Variants in BIRC3 observed in about 807,000 individuals in gnomAD.
BIRC3 encodes baculoviral IAP repeat-containing protein 3.
BIRC3 carries 26 observed loss-of-function variants against 59.0 expected under a neutral mutation model. The ratio of observed to expected loss-of-function variants is 0.44; its 90% CI spans 0.32 to 0.61. The LOEUF (loss-of-function observed/expected upper bound fraction) is 0.61, where lower values mean the gene tolerates loss of function less well. BIRC3 is among the 20% of genes least tolerant of loss of function. BIRC3 has a pLI of 0.04. For synonymous variants in BIRC3, 243 were observed against 249.2 expected, an observed-to-expected ratio of 0.98 and a Z score of 0.24; for missense variants, 641 against 711.5, an observed-to-expected ratio of 0.90 and a Z score of 1.13.
chr11:102,334,715 A>G (rs1951179197), intron 6 of BIRC3, among the ~76,000 whole-genome samples: 1 of 152,236 alleles, frequency 6.6e-6, no homozygotes, highest in Admixed American at 6.5e-5. Flanking sequence ...CCAAAGAGAT[A>G]ATAAAACTGC....
intron 1 of BIRC3, among the ~76,000 whole-genome samples, chr11:102,319,402 T>C (rs1951008621): frequency 6.6e-6 from 1 of 152,008 alleles, no homozygotes; most frequent in Non-Finnish European, 1.5e-5. Context: ...TTAAGCATGG[T>C]TATGTGAAAG....
In BIRC3 at chr11:102,336,057, A is replaced by G; in HGVS notation, c.1416A>G (p.Gly472=). 1.2e-6 allele frequency: 2 copies of G among 1,613,866 alleles called. No homozygotes were observed. Among genetic ancestry groups the G allele is most frequent in the Non-Finnish European group, 1.7e-6 (2 of 1,179,906 alleles). ...TCCTGGATAGTCTACTAACTGCCGG[A>G]ATTATTAATGAACAAGAACATGATG... The part of the protein sequence containing the change: ...IPILDSLLTA[G]IINEQEHDVI... Residue 472 remains glycine (G), a synonymous_variant, in exon 7 of 9, where the codon GGA becomes GGG. Coordinates refer to ENST00000263464, the MANE Select transcript of BIRC3 (RefSeq NM_001165.5).
intron 3 of BIRC3, among the ~76,000 whole-genome samples, chr11:102,327,541 G>A (rs1318154197): frequency 6.6e-6 from 1 of 152,058 alleles, no homozygotes; most frequent in Non-Finnish European, 1.5e-5. Context: ...TCGGGAGGCT[G>A]AGGCACCAGA....
Position 102,337,491 on chromosome 11 carries a change from G to C in BIRC3, c.*389G>C, listed in dbSNP as rs1951209118. The C allele has an allele frequency of 2.5e-6, 1 of 394,844 alleles. No homozygotes were observed. The highest frequency in any genetic ancestry group is 3.6e-5 in the East Asian group (1 of 27,956). The allele number at this position is 394,844 out of a possible 1,614,324, so 24.5% of individuals were successfully genotyped here. On this transcript the variant is annotated 3_prime_UTR_variant, in exon 9 of 9. Transcript: ENST00000263464. Reference sequence around the variant, plus strand: ...TGGTGGTATGTGCCTGTAGTCCCAGGCTGAGGCAAGAGAATTACTTGAGCC... The same window carrying C: ...TGGTGGTATGTGCCTGTAGTCCCAGCCTGAGGCAAGAGAATTACTTGAGCC...
At chr11:102,329,401 TA>T (rs1476210115) in intron 5 of BIRC3, among the ~76,000 whole-genome samples, 1 of 152,202 alleles carries the variant, frequency 6.6e-6, no homozygotes, top group African/African-American at 2.4e-5. Context: ...ACCTTACACC[TA>T]AAATGCAACA....
rs767508008 is a variant in BIRC3, at chr11:102,325,104, C to G, written c.595C>G (p.Pro199Ala). The change falls in exon 2 of 9, where the codon CCT becomes GCT. Residue 199 changes from proline (P) to alanine (A), a missense_variant. Pro to Ala is a conservative substitution (Grantham distance 27). Coordinates refer to ENST00000263464, the MANE Select transcript of BIRC3 (RefSeq NM_001165.5). ...LAKAGFYYIG[P>A]GDRVACFACG... ...AAAAGCAGGCTTTTACTACATAGGACCTGGAGACAGAGTGGCTTGCTTTGC... is the reference window on the plus strand; with the variant it reads ...AAAAGCAGGCTTTTACTACATAGGAGCTGGAGACAGAGTGGCTTGCTTTGC... 1.2e-6 allele frequency: 2 copies of G among 1,614,166 alleles called. No homozygotes were observed. The highest frequency in any genetic ancestry group is 2.2e-5 in the South Asian group (2 of 91,086).
chr11:102,335,922 A>G, intron 6 of BIRC3, 44 bp from the exon 7 acceptor site: 1 of 1,558,878 alleles, frequency 6.4e-7, no homozygotes, highest in Non-Finnish European at 8.7e-7. Context: ...GAAGTTTGTG[A>G]GCAGAGTTTG....
rs781386350 is a variant in BIRC3, at chr11:102,324,906, T to C, written c.397T>C (p.Tyr133His). The C allele has an allele frequency of 1.2e-6, 2 of 1,614,218 alleles. No individual in the cohort carries two copies. The highest frequency in any genetic ancestry group is 1.7e-5 in the Admixed American group (1 of 60,026). The change falls in exon 2 of 9, where the codon TAT (tyrosine) becomes CAT (histidine). Residue 133 changes from tyrosine to histidine, a missense_variant. By Grantham distance (83) the Tyr-to-His change is moderately conservative. Coordinates refer to ENST00000263464, the MANE Select transcript of BIRC3 (RefSeq NM_001165.5). ...SLLPGTENSGYFRGSYSNSPS... is the reference protein window; with the variant it reads ...SLLPGTENSGHFRGSYSNSPS... ...ACTTCCGGGTACAGAAAACAGTGGA[T>C]ATTTCCGTGGCTCTTATTCAAACTC... is the stretch of plus-strand genomic sequence containing the variant.
At position 102,335,853 on chromosome 11, in the gene BIRC3, G is replaced by A. The variant is rs138670418; in HGVS notation, c.1325-113G>A. The A allele has an allele frequency of 4.7e-4, 514 of 1,088,896 alleles. 2 individuals are homozygous for A. The East Asian group carries it at 0.011, about 23-fold the overall frequency. 67.5% of individuals were successfully genotyped at this position (1,088,896 alleles called of 1,614,324 possible). Reference sequence around the variant, plus strand: ...CCTAAACCTAGCAATCAACATCAATGCCTTACTGATTACGAATTAAAGATA... The same window carrying A: ...CCTAAACCTAGCAATCAACATCAATACCTTACTGATTACGAATTAAAGATA... On this transcript the variant is annotated intron_variant, in intron 6 of 8. Transcript: ENST00000263464.
chr11:102,337,578 A>AAAAAC lies in BIRC3; in HGVS notation c.*483_*487dup. 2.6e-6 allele frequency: 1 copy of AAAAAC among 378,238 alleles called. No homozygotes were observed. The highest frequency in any genetic ancestry group is 4.7e-6 in the Non-Finnish European group (1 of 213,082). 23.4% of individuals were successfully genotyped at this position (378,238 alleles called of 1,614,324 possible). On this transcript the variant is annotated 3_prime_UTR_variant, in exon 9 of 9. Coordinates refer to ENST00000263464, the MANE Select transcript of BIRC3 (RefSeq NM_001165.5). ...CCCTGCCTTTAAAAACAAACAGAACAAAAACAAAACACCAGGGACACATTT... is the reference window on the plus strand; with the variant it reads ...CCCTGCCTTTAAAAACAAACAGAACAAAAACAAAACAAAACACCAGGGACACATTT...
rs754938558 is a variant in BIRC3 at position 102,328,031 on chromosome 11, T to G, written c.954-21T>G. 9.6e-6 allele frequency: 15 copies of G among 1,570,222 alleles called. No homozygotes were observed. In the African/African-American group the frequency reaches 1.9e-4, roughly 20 times the overall value. ...CACTTGTATAAATAATCCCTCAAAT[T>G]TTATTTTCTTTACATTTTAGGTGTG... On this transcript the variant is annotated intron_variant, in intron 3 of 8. Coordinates refer to ENST00000263464, the MANE Select transcript of BIRC3 (RefSeq NM_001165.5).
intron 6 of BIRC3, among the ~76,000 whole-genome samples, chr11:102,333,897 T>C (rs370261561): frequency 1.4e-4 from 21 of 152,248 alleles, no homozygotes; most frequent in African/African-American, 5.1e-4. Context: ...GCCCAGGAGT[T>C]TGAGACCAGA....
Position 102,337,390 on chromosome 11 carries a change from T to G in BIRC3, c.*288T>G, listed in dbSNP as rs1056333289. Reference sequence around the variant, plus strand: ...TTGAAATTGTAAGTGAAGTAAAACTTAAGATATTTGAGTTAACCTTTAAGA... The same window carrying G: ...TTGAAATTGTAAGTGAAGTAAAACTGAAGATATTTGAGTTAACCTTTAAGA... On this transcript the variant is annotated 3_prime_UTR_variant, in exon 9 of 9. Coordinates refer to ENST00000263464, the MANE Select transcript of BIRC3 (RefSeq NM_001165.5). 2.0e-5 allele frequency: 8 copies of G among 404,164 alleles called. No homozygotes were observed. Among genetic ancestry groups the G allele is most frequent in the African/African-American group, 1.6e-4 (8 of 48,638 alleles). 25.0% of individuals were successfully genotyped at this position (404,164 alleles called of 1,614,324 possible).
At chr11:102,326,117 G>C (rs1393368912) in intron 3 of BIRC3, among the ~76,000 whole-genome samples, 1 of 152,166 alleles carries the variant, frequency 6.6e-6, no homozygotes, top group Non-Finnish European at 1.5e-5. Flanking sequence ...CCTATTGGCA[G>C]GCATTGTTCT....
At chr11:102,331,312 A>G in intron 6 of BIRC3, 71 bp downstream of exon 6, 1 of 1,419,962 alleles carries the variant, frequency 7.0e-7, no homozygotes, top group Non-Finnish European at 9.3e-7. Context: ...TGAAAAATAT[A>G]CTCATCTAGC....
At position 102,324,539 on chromosome 11, in the gene BIRC3, A is replaced by G; in HGVS notation, c.30A>G (p.Leu10=). The G allele has an allele frequency of 6.2e-7, 1 of 1,613,778 alleles. No homozygotes were observed. The highest frequency in any genetic ancestry group is 8.5e-7 in the Non-Finnish European group (1 of 1,179,768). MNIVENSIF[L]SNLMKSANTF... ...ACATAGTAGAAAACAGCATATTCTTATCAAATTTGATGAAAAGCGCCAACA... is the reference window on the plus strand; with the variant it reads ...ACATAGTAGAAAACAGCATATTCTTGTCAAATTTGATGAAAAGCGCCAACA... Residue 10 remains leucine (L), a synonymous_variant, in exon 2 of 9, where the codon TTA becomes TTG. Coordinates refer to ENST00000263464, the MANE Select transcript of BIRC3 (RefSeq NM_001165.5).
intron 6 of BIRC3, among the ~76,000 whole-genome samples, chr11:102,333,278 T>G (rs904203429): frequency 1.3e-5 from 2 of 151,824 alleles, no homozygotes; most frequent in Non-Finnish European, 1.5e-5. Context: ...AAAATAATAA[T>G]ATGGCTGAGT....
chr11:102,337,389 T>A lies in BIRC3; in HGVS notation c.*287T>A, dbSNP rs1353105532. The A allele has an allele frequency of 2.5e-6, 1 of 403,290 alleles. No homozygotes were observed. Among genetic ancestry groups the A allele is most frequent in the Non-Finnish European group, 4.4e-6 (1 of 229,842 alleles). 25.0% of individuals were successfully genotyped at this position (403,290 alleles called of 1,614,324 possible). A position where few individuals can be genotyped will look rare whatever the true frequency, so the allele number is the denominator to read the frequency against. On this transcript the variant is annotated 3_prime_UTR_variant, in exon 9 of 9. Transcript: ENST00000263464. ...ATTGAAATTGTAAGTGAAGTAAAAC[T>A]TAAGATATTTGAGTTAACCTTTAAG...
intron 5 of BIRC3, among the ~76,000 whole-genome samples, chr11:102,330,171 G>A (rs549092551): frequency 2.0e-5 from 3 of 152,256 alleles, no homozygotes; most frequent in Admixed American, 6.5e-5. Flanking sequence ...GGAGTTAACC[G>A]AGTGACAAAT....
Sources: gnomAD v4.1 joint callset for allele counts (sites outside exome capture counted in the v4.1 genomes callset) on GRCh38, gnomAD v4.1.1 for gene constraint, MANE v1.5 for transcripts, NCBI Gene and HGNC (gene_info 2026-07-23, HGNC 2026-07-21) for gene names.